Variants in ANKRD30B observed in about 807,000 individuals in gnomAD.
ANKRD30B encodes ankyrin repeat domain-containing protein 30B.
A neutral mutation model predicts 202.2 loss-of-function variants in ANKRD30B; 144 were observed. The ratio of observed to expected loss-of-function variants is 0.71; its 90% CI spans 0.62 to 0.82. ANKRD30B has a LOEUF of 0.82. ANKRD30B is among the 40% of genes least tolerant of loss of function. The pLI, the probability that ANKRD30B is intolerant of heterozygous loss-of-function variation, is 0.00. For missense variants in ANKRD30B, 1,487 were observed against 1,669.1 expected, an observed-to-expected ratio of 0.89 and a Z score of 1.90; for synonymous variants, 508 against 561.3, an observed-to-expected ratio of 0.91 and a Z score of 1.34.
At chr18:14,794,619 G>A (rs34944292) in intron 16 of ANKRD30B, among the ~76,000 whole-genome samples, 12 of 152,154 alleles carry the variant, frequency 7.9e-5, no homozygotes, top group Non-Finnish European at 7.3e-5. Context: ...ATGAATCGAG[G>A]ACGATCTTCT....
chr18:14,872,475 T>C, the ANKRD30B span, among the ~76,000 whole-genome samples: 1 of 152,186 alleles, frequency 6.6e-6, no homozygotes, highest in South Asian at 2.1e-4. Context: ...AACTTATCCA[T>C]TTAACAATTT....
At chr18:14,915,637 C>T in the ANKRD30B span, 2 of 152,180 alleles carry the variant, frequency 1.3e-5, no homozygotes, top group Non-Finnish European at 2.9e-5. Flanking sequence ...TGGGTCAAGT[C>T]ACTCTTGAGA....
chr18:14,767,270 A>G (rs575756185), intron 7 of ANKRD30B, among the ~76,000 whole-genome samples: 18 of 152,286 alleles, frequency 1.2e-4, no homozygotes, highest in Non-Finnish European at 2.5e-4. Context: ...ACCCTTATCC[A>G]TGGGGGGTAT....
chr18:14,783,284 GC>G (rs1432526889), intron 12 of ANKRD30B, among the ~76,000 whole-genome samples: 12 of 152,220 alleles, frequency 7.9e-5, no homozygotes, highest in Non-Finnish European at 1.5e-4. Context: ...GTATCATTCA[GC>G]ACAATTGAGT....
the ANKRD30B span, among the ~76,000 whole-genome samples, chr18:14,868,381 A>G: frequency 6.6e-6 from 1 of 152,280 alleles, no homozygotes; most frequent in African/African-American, 2.4e-5. Context: ...TGTGAGTGGC[A>G]GCATTGTTTT....
At chr18:14,777,256 G>T (rs190203688) in intron 9 of ANKRD30B, among the ~76,000 whole-genome samples, 13 of 152,182 alleles carry the variant, frequency 8.5e-5, no homozygotes, top group Middle Eastern at 3.4e-3. Flanking sequence ...TATGTGAACA[G>T]CTTTAAATCT....
chr18:14,909,891 C>T, the ANKRD30B span: 1 of 151,842 alleles, frequency 6.6e-6, no homozygotes, highest in South Asian at 2.1e-4. Flanking sequence ...TCAAGCAGTA[C>T]CTGAGAGCAC....
chr18:14,818,117 G>A (rs1970212635), intron 30 of ANKRD30B, among the ~76,000 whole-genome samples: 1 of 152,100 alleles, frequency 6.6e-6, no homozygotes, highest in Non-Finnish European at 1.5e-5. Context: ...GATGAAAGGA[G>A]ATATATTTCT....
At chr18:14,905,102 C>T in the ANKRD30B span, among the ~76,000 whole-genome samples, 1 of 152,186 alleles carries the variant, frequency 6.6e-6, no homozygotes, top group Admixed American at 6.5e-5. Flanking sequence ...TTTACAAATG[C>T]CATGGCAATA....
chr18:14,794,964 G>A (rs911764606), intron 16 of ANKRD30B, among the ~76,000 whole-genome samples: 2 of 152,182 alleles, frequency 1.3e-5, no homozygotes, highest in African/African-American at 4.8e-5. Flanking sequence ...AGAAATGTCT[G>A]TTTTTTCTTG....
At chr18:14,931,762 C>T in the ANKRD30B span, among the ~76,000 whole-genome samples, 1 of 152,114 alleles carries the variant, frequency 6.6e-6, no homozygotes, top group Non-Finnish European at 1.5e-5. Flanking sequence ...TCACGTTCCA[C>T]ACCCTCCCTC....
chr18:14,755,138 T>C (rs1207674906), intron 4 of ANKRD30B, 133 bp downstream of exon 4: 16 of 531,166 alleles, frequency 3.0e-5, no homozygotes, highest in Non-Finnish European at 5.0e-5. Context: ...TCAACACAAA[T>C]TATCAGAAGA....
the ANKRD30B span, among the ~76,000 whole-genome samples, chr18:14,864,395 A>AT: frequency 3.7e-4 from 56 of 152,140 alleles, no homozygotes; most frequent in Admixed American, 1.4e-3. Context: ...CATATCAATT[A>AT]TTTTTTCTGA....
the ANKRD30B span, among the ~76,000 whole-genome samples, chr18:14,870,354 A>G: frequency 6.6e-5 from 10 of 152,216 alleles, no homozygotes; most frequent in Admixed American, 6.5e-4. Flanking sequence ...GGCCTCCCAC[A>G]TGCAGGCAGT....
the ANKRD30B span, among the ~76,000 whole-genome samples, chr18:14,869,963 G>A: frequency 6.6e-6 from 1 of 151,272 alleles, no homozygotes; most frequent in Non-Finnish European, 1.5e-5. Context: ...AGCCTCCTGA[G>A]TAGCTGGTAT....
the ANKRD30B span, among the ~76,000 whole-genome samples, chr18:14,866,798 G>T: frequency 6.6e-6 from 1 of 151,962 alleles, no homozygotes; most frequent in Non-Finnish European, 1.5e-5. Flanking sequence ...GCGCTATCAG[G>T]GTCTACACTG....
chr18:14,794,609 A>T (rs971816396), intron 16 of ANKRD30B, among the ~76,000 whole-genome samples: 4 of 152,206 alleles, frequency 2.6e-5, no homozygotes. Context: ...AAAGATATTA[A>T]TGAATCGAGG....
At chr18:14,892,864 G>A in the ANKRD30B span, among the ~76,000 whole-genome samples, 1 of 151,666 alleles carries the variant, frequency 6.6e-6, no homozygotes, top group Admixed American at 6.6e-5. Context: ...GTTGCAATGA[G>A]CCAAGGTCAC....
At chr18:14,796,467 T>C in intron 18 of ANKRD30B, 52 bp downstream of exon 18, 4 of 1,495,038 alleles carry the variant, frequency 2.7e-6, no homozygotes, top group Non-Finnish European at 3.6e-6. Flanking sequence ...TTAAACTATT[T>C]GAAATGCCGA....
Sources: allele counts gnomAD v4.1 joint callset (sites outside exome capture counted in the v4.1 genomes callset), GRCh38; gene constraint gnomAD v4.1.1; transcripts MANE v1.5; gene names NCBI Gene and HGNC (gene_info 2026-07-23, HGNC 2026-07-21).